The following GLI2 variants were observed in gnomAD, a reference collection of about 807,000 sequenced individuals.
GLI2 encodes GLI family zinc finger 2, also known as transcription activator GLI2.
A neutral mutation model predicts 78.9 loss-of-function variants in GLI2; 22 were observed. The ratio of observed to expected loss-of-function variants is 0.28; its 90% CI spans 0.20 to 0.40. The LOEUF (loss-of-function observed/expected upper bound fraction) is 0.40. GLI2 is among the 10% of genes least tolerant of loss of function. GLI2 has a pLI of 1.00. For synonymous variants in GLI2, 974 were observed against 963.7 expected, an observed-to-expected ratio of 1.01 and a Z score of -0.20; for missense variants, 2,097 against 2,213.2, an observed-to-expected ratio of 0.95 and a Z score of 1.05.
intron 2 of GLI2, among the ~76,000 whole-genome samples, chr2:120,836,986 G>A (rs957466474): frequency 9.8e-5 from 15 of 152,308 alleles, no homozygotes; most frequent in South Asian, 2.1e-4. Flanking sequence ...CTTTTGCAAC[G>A]TATTGGACGT....
intron 2 of GLI2, among the ~76,000 whole-genome samples, chr2:120,881,551 CAGT>C (rs1365239189): frequency 3.2e-5 from 3 of 93,682 alleles, no homozygotes; most frequent in East Asian, 3.9e-4. Flanking sequence ...GGGGGAAAGA[CAGT>C]GGTGGGGAGG....
chr2:120,854,611 G>A (rs1298408006), intron 2 of GLI2, among the ~76,000 whole-genome samples: 2 of 152,222 alleles, frequency 1.3e-5, no homozygotes, highest in African/African-American at 4.8e-5. Context: ...TCTCCACGAT[G>A]TGTATGTTCT....
At chr2:120,966,022 G>T (rs567857815) in intron 5 of GLI2, among the ~76,000 whole-genome samples, 40 of 152,262 alleles carry the variant, frequency 2.6e-4, no homozygotes, top group African/African-American at 9.4e-4. Context: ...TAGCCCAATA[G>T]AATAAACAGC....
intron 1 of GLI2, among the ~76,000 whole-genome samples, chr2:120,746,771 G>T (rs889558766): frequency 6.6e-6 from 1 of 152,088 alleles, no homozygotes; most frequent in Non-Finnish European, 1.5e-5. Context: ...GCAGAAAAGA[G>T]AAATTTGGTT....
intron 3 of GLI2, among the ~76,000 whole-genome samples, chr2:120,950,407 C>T (rs1680919268): frequency 6.6e-6 from 1 of 152,152 alleles, no homozygotes; most frequent in African/African-American, 2.4e-5. Flanking sequence ...CCTCAAAATA[C>T]ACCTGCAGCT....
intron 1 of GLI2, among the ~76,000 whole-genome samples, chr2:120,761,700 G>T (rs776507): frequency 0.03 from 4,518 of 152,254 alleles, 219 homozygotes; most frequent in African/African-American, 0.1. Context: ...CCCGTTGTTT[G>T]CTCCTCCAGC....
chr2:120,961,333 C>T (rs1681544971), intron 5 of GLI2, among the ~76,000 whole-genome samples: 1 of 152,278 alleles, frequency 6.6e-6, no homozygotes, highest in East Asian at 1.9e-4. Context: ...AGAGGGGCTG[C>T]CAGAGGCCCA....
chr2:120,873,833 C>A (rs1043690474), intron 2 of GLI2, among the ~76,000 whole-genome samples: 3 of 152,228 alleles, frequency 2.0e-5, no homozygotes, highest in African/African-American at 7.2e-5. Context: ...GACATAAAAT[C>A]TCTCTTGTTT....
chr2:120,742,679 T>TAAAAAAA (rs10522388), intron 1 of GLI2, among the ~76,000 whole-genome samples: 5 of 140,696 alleles, frequency 3.6e-5, no homozygotes, highest in Non-Finnish European at 3.0e-5. Context: ...AGGATGACTT[T>TAAAAAAA]AAAAAAAAAG....
chr2:120,937,074 G>A (rs1400653692), intron 3 of GLI2, among the ~76,000 whole-genome samples: 1 of 152,142 alleles, frequency 6.6e-6, no homozygotes, highest in Non-Finnish European at 1.5e-5. Context: ...CCTCTGAAAT[G>A]TACACTTGGC....
chr2:120,978,979 G>A (rs184908531), intron 10 of GLI2, among the ~76,000 whole-genome samples: 2 of 152,308 alleles, frequency 1.3e-5, no homozygotes, highest in African/African-American at 4.8e-5. Context: ...GCAATGATGG[G>A]TTAAAATGGT....
intron 5 of GLI2, among the ~76,000 whole-genome samples, chr2:120,959,472 T>G (rs975082389): frequency 5.9e-5 from 9 of 152,222 alleles, no homozygotes; most frequent in African/African-American, 2.2e-4. Context: ...TCTCCTATTT[T>G]TATTGCTACT....
At chr2:120,978,723 T>C in intron 10 of GLI2, 140 bp downstream of exon 10, 1 of 925,002 alleles carries the variant, frequency 1.1e-6, no homozygotes, top group Non-Finnish European at 1.7e-6. Context: ...GACAGGAGCC[T>C]GTTCCCACCC....
At chr2:120,965,195 G>A (rs1681781760) in intron 5 of GLI2, among the ~76,000 whole-genome samples, 1 of 151,848 alleles carries the variant, frequency 6.6e-6, no homozygotes, top group East Asian at 1.9e-4. Flanking sequence ...TGCAACAGAG[G>A]GGCACACTCC....
chr2:120,978,024 G>C (rs1682539715), intron 9 of GLI2, among the ~76,000 whole-genome samples: 2 of 152,236 alleles, frequency 1.3e-5, no homozygotes, highest in South Asian at 4.1e-4. Flanking sequence ...GCTGCGGTTA[G>C]TGCCTACTGT....
chr2:120,947,941 G>A (rs994051991), intron 3 of GLI2, among the ~76,000 whole-genome samples: 3 of 152,190 alleles, frequency 2.0e-5, no homozygotes, highest in East Asian at 3.9e-4. Context: ...GGGTTGCTCC[G>A]TACCCTTGAG....
chr2:120,814,357 GA>G (rs1272849301), intron 2 of GLI2, among the ~76,000 whole-genome samples: 5 of 152,200 alleles, frequency 3.3e-5, no homozygotes, highest in Non-Finnish European at 7.3e-5. Context: ...GTGTCTGTAT[GA>G]TTTTGTGGTT....
intron 2 of GLI2, among the ~76,000 whole-genome samples, chr2:120,815,541 G>T (rs1486638335): frequency 1.3e-5 from 2 of 152,186 alleles, no homozygotes; most frequent in Non-Finnish European, 2.9e-5. Flanking sequence ...CAAGTACCAC[G>T]GGATTGAGCC....
chr2:120,854,284 A>G (rs1473805620), intron 2 of GLI2, among the ~76,000 whole-genome samples: 1 of 152,170 alleles, frequency 6.6e-6, no homozygotes, highest in African/African-American at 2.4e-5. Flanking sequence ...AGCAAGTGTG[A>G]AGGCAGTGAC....
Sources: gnomAD v4.1 joint callset for allele counts (sites outside exome capture counted in the v4.1 genomes callset) on GRCh38, gnomAD v4.1.1 for gene constraint, MANE v1.5 for transcripts, NCBI Gene and HGNC (gene_info 2026-07-23, HGNC 2026-07-21) for gene names.